The following NDRG1 variants were observed in gnomAD, a reference collection of about 807,000 sequenced individuals.
NDRG1 encodes N-myc downstream regulated 1.
NDRG1 carries 32 observed loss-of-function variants against 56.9 expected under a neutral mutation model. The ratio of observed to expected loss-of-function variants is 0.56; its 90% confidence interval spans 0.42 to 0.76. NDRG1 has a LOEUF of 0.76. Among genes scored for constraint, NDRG1 ranks in the 30% least tolerant of loss-of-function variants. The pLI, the probability that NDRG1 is intolerant of heterozygous loss-of-function variation, is 0.00. For missense variants in NDRG1, 507 were observed against 545.7 expected (o/e 0.93, Z 0.71); for synonymous variants, 211 against 204.1 (o/e 1.03, Z -0.29).
intron 3 of NDRG1, among the ~76,000 whole-genome samples, chr8:133,275,718 T>C (rs1325403418): frequency 1.3e-5 from 2 of 152,208 alleles, no homozygotes; most frequent in African/African-American, 2.4e-5. Context: ...GGAATCGGGA[T>C]TGGTTTCAAA....
chr8:133,261,427 G>A (rs751123307), intron 5 of NDRG1, among the ~76,000 whole-genome samples: 1 of 152,278 alleles, frequency 6.6e-6, no homozygotes. Flanking sequence ...CACCATGCCC[G>A]GCCTCAGCTG....
At chr8:133,294,678 G>A (rs991142417) in intron 1 of NDRG1, among the ~76,000 whole-genome samples, 2 of 152,136 alleles carry the variant, frequency 1.3e-5, no homozygotes, top group South Asian at 2.1e-4. Flanking sequence ...TCATGGGGGG[G>A]GGGCAGCCCC....
chr8:133,292,817 A>T (rs191249699), intron 1 of NDRG1, among the ~76,000 whole-genome samples: 16 of 152,310 alleles, frequency 1.1e-4, no homozygotes, highest in Admixed American at 1.0e-3. Context: ...AAGAAAGGAA[A>T]GATTAAACTG....
In NDRG1 at chr8:133,237,507, G is replaced by C. The variant is rs1278380722; in HGVS notation, c.*1371C>G. The C allele has an allele frequency of 4.3e-6, 1 of 233,012 alleles. No homozygotes were observed. The highest frequency in any genetic ancestry group is 5.6e-5 in the Admixed American group (1 of 17,766). The allele number at this position is 233,012 out of a possible 1,614,324, so 14.4% of individuals were successfully genotyped here. A position where few individuals can be genotyped will look rare whatever the true frequency, so the allele number is the denominator to read the frequency against. On this transcript the variant is annotated 3_prime_UTR_variant, in exon 16 of 16. Transcript: ENST00000323851. ...AATCCACGGTGAGCCAAAATGAAAA[G>C]TACAAGGCAGTAGTACAGGAACCTG...
rs1858830600 is a variant in NDRG1, at chr8:133,297,168, GGCT to G, written c.-56_-54del. The stretch of plus-strand genomic sequence containing the variant: ...GGGAGAAAGGAAAGGACGGTGCCGA[GGCT>G]GGCGGCCCAGCGCCCCGCGGAAGCC... On this transcript the variant is annotated 5_prime_UTR_variant, in exon 1 of 16. Transcript: ENST00000323851. The G allele has an allele frequency of 6.6e-6, 1 of 152,360 alleles. No homozygotes were observed. The highest frequency in any genetic ancestry group is 2.4e-5 in the African/African-American group (1 of 41,460). The allele number at this position is 152,360 out of a possible 1,614,324, so 9.4% of individuals were successfully genotyped here.
At position 133,251,839 on chromosome 8, in the gene NDRG1, G is replaced by A. The variant is rs187390396; in HGVS notation, c.595-1296C>T. On this transcript the variant is annotated intron_variant, in intron 9 of 15. Transcript: ENST00000323851. ...GAGATAATCCTGGATTACATGAGCCGGGATGAAATCCAATGGAAAGTATCC... is the reference window on the plus strand; with the variant it reads ...GAGATAATCCTGGATTACATGAGCCAGGATGAAATCCAATGGAAAGTATCC... Among the ~76,000 whole-genome samples, 33 of 152,266 alleles carry A rather than the reference G, an allele frequency of 2.2e-4. 1 individual carries two copies. Among genetic ancestry groups the A allele is most frequent in the East Asian group, 2.1e-3 (11 of 5,178 alleles).
chr8:133,296,370 G>C (rs924368749), intron 1 of NDRG1: 4 of 419,342 alleles, frequency 9.5e-6, no homozygotes, highest in Non-Finnish European at 2.0e-5. Context: ...CTTCTCCCAC[G>C]CCGCCGATGC....
At chr8:133,288,306 T>C (rs1563643332) in intron 1 of NDRG1, 2 of 152,348 alleles carry the variant, frequency 1.3e-5, no homozygotes, top group East Asian at 3.9e-4. Flanking sequence ...GATCCAATGT[T>C]CACACTCTTC....
intron 7 of NDRG1, among the ~76,000 whole-genome samples, chr8:133,257,620 T>C (rs1306944857): frequency 6.6e-6 from 1 of 152,186 alleles, no homozygotes; most frequent in Non-Finnish European, 1.5e-5. Context: ...ATTATAATCT[T>C]ATGGAACCAC....
chr8:133,265,983 C>T (rs1856899121), intron 3 of NDRG1, among the ~76,000 whole-genome samples: 1 of 152,274 alleles, frequency 6.6e-6, no homozygotes, highest in African/African-American at 2.4e-5. Context: ...TCTGCTCCCA[C>T]AGGGCAGTTG....
intron 3 of NDRG1, among the ~76,000 whole-genome samples, chr8:133,277,963 G>A (rs1857552392): frequency 6.6e-6 from 1 of 152,196 alleles, no homozygotes; most frequent in Non-Finnish European, 1.5e-5. Flanking sequence ...TCCTGGCTCT[G>A]GAATGGGGCC....
In NDRG1 at chr8:133,237,592, G is replaced by C. The variant is rs973067702; in HGVS notation, c.*1286C>G. The C allele has an allele frequency of 4.3e-6, 1 of 233,264 alleles. No individual in the cohort carries two copies. The highest frequency in any genetic ancestry group is 8.5e-6 in the Non-Finnish European group (1 of 118,054). 14.4% of individuals were successfully genotyped at this position (233,264 alleles called of 1,614,324 possible). On this transcript the variant is annotated 3_prime_UTR_variant, in exon 16 of 16. Coordinates refer to ENST00000323851, the MANE Select transcript of NDRG1 (RefSeq NM_006096.4). ...GCTGCCCCATTCGGCGAAAGGTTAG[G>C]GAGCAGGAAAAGAGGAAGCAGGAGA...
At chr8:133,292,837 G>T (rs1037942132) in intron 1 of NDRG1, among the ~76,000 whole-genome samples, 1 of 152,170 alleles carries the variant, frequency 6.6e-6, no homozygotes, top group African/African-American at 2.4e-5. Flanking sequence ...GCTGGGGAGG[G>T]CACTCAAGGC....
chr8:133,292,972 G>A (rs1400141260), intron 1 of NDRG1, among the ~76,000 whole-genome samples: 1 of 152,208 alleles, frequency 6.6e-6, no homozygotes, highest in East Asian at 1.9e-4. Flanking sequence ...AATGTTAGGT[G>A]GGAAAGTCAA....
intron 3 of NDRG1, among the ~76,000 whole-genome samples, chr8:133,270,744 T>C (rs940230901): frequency 1.3e-5 from 2 of 152,156 alleles, no homozygotes; most frequent in South Asian, 2.1e-4. Context: ...GGGTGTTAGC[T>C]TTCTAGGTTG....
chr8:133,239,010 T>G lies in NDRG1; in HGVS notation c.1053A>C (p.Arg351=), dbSNP rs370153201. The G allele has an allele frequency of 3.3e-5, 53 of 1,593,980 alleles. No individual in the cohort carries two copies. The highest frequency in any genetic ancestry group is 1.5e-4 in the African/African-American group (11 of 73,144). The change falls in exon 16 of 16, where the codon CGA becomes CGC. Residue 351 remains arginine, a synonymous_variant. Coordinates refer to ENST00000323851, the MANE Select transcript of NDRG1 (RefSeq NM_006096.4). ...TGCCCTCGCTGGTGTGGGAGCGGCT[T>G]CGGGTGCCCTCGCTGGTGTGGGAGC... ...RSRSHTSEGT[R]SRSHTSEGTR... is the part of the protein sequence containing the mutation.
rs1270529284 is a variant in NDRG1, at chr8:133,244,580, C to T, written c.856-190G>A. On this transcript the variant is annotated intron_variant, in intron 13 of 15. Transcript: ENST00000323851. ...CCACCAGGCAAGGCTGCTGGTGTCT[C>T]CGTGGCAACCATCACTTGCAGCTTG... 4.5e-6 allele frequency: 3 copies of T among 672,208 alleles called. No individual in the cohort carries two copies. The African/African-American group carries it at 5.3e-5, about 12-fold the overall frequency. 41.6% of individuals were successfully genotyped at this position (672,208 alleles called of 1,614,324 possible). A position where few individuals can be genotyped will look rare whatever the true frequency, so the allele number is the denominator to read the frequency against.
Position 133,248,717 on chromosome 8 carries a change from C to T in NDRG1, c.753G>A (p.Leu251=). ...TGGGGGAGAGAAAAGCCACTCACTG[C>T]AGGGTGACTGTGTGGGTTCCCGGCA... is the stretch of plus-strand genomic sequence containing the variant. ...RPMPGTHTVT[L]QCPALLVVGD... The change falls in exon 11 of 16, where the codon CTG becomes CTA. Residue 251 remains leucine (L), a splice_region_variant and synonymous_variant. Transcript: ENST00000323851. 2 of 1,614,220 alleles carry T rather than the reference C, an allele frequency of 1.2e-6. No individual in the cohort carries two copies. The highest frequency in any genetic ancestry group is 1.7e-6 in the Non-Finnish European group (2 of 1,180,036).
intron 1 of NDRG1, among the ~76,000 whole-genome samples, chr8:133,296,155 G>T (rs1462266889): frequency 6.6e-6 from 1 of 151,976 alleles, no homozygotes; most frequent in African/African-American, 2.4e-5. Flanking sequence ...TCCCGAGGCT[G>T]AATCAGAGAC....
Sources: gnomAD v4.1 joint callset for allele counts (sites outside exome capture counted in the v4.1 genomes callset) on GRCh38, gnomAD v4.1.1 for gene constraint, MANE v1.5 for transcripts, NCBI Gene and HGNC (gene_info 2026-07-23, HGNC 2026-07-21) for gene names.